Variants in CSMD1 observed in about 807,000 individuals in gnomAD.
CSMD1 encodes CUB and Sushi multiple domains 1, also known as CUB and sushi domain-containing protein 1.
Under a neutral mutation model 417.5 loss-of-function variants are expected in CSMD1, and 213 were observed. That is an observed-to-expected ratio of 0.51 (90% confidence interval 0.46 to 0.57). The LOEUF (loss-of-function observed/expected upper bound fraction) is 0.57, where lower values mean the gene tolerates loss of function less well. Among genes scored for constraint, CSMD1 ranks in the 20% least tolerant of loss-of-function variants. The probability of loss-of-function intolerance (pLI) is 0.00; values close to 1 mark genes in which losing one functional copy is unlikely to be tolerated. For synonymous variants in CSMD1, 2,862 were observed against 1,736.8 expected (o/e 1.65, Z -16.11); for missense variants, 6,923 against 4,529.7 (o/e 1.53, Z -15.17).
At chr8:3,226,660 C>T (rs1585713648) in intron 27 of CSMD1, among the ~76,000 whole-genome samples, 1 of 147,470 alleles carries the variant, frequency 6.8e-6, no homozygotes, top group Admixed American at 6.8e-5. Context: ...AAAAGCTAAA[C>T]AGAGGAGGCT....
chr8:3,454,738 C>T (rs1053234009), intron 12 of CSMD1, among the ~76,000 whole-genome samples: 1 of 152,104 alleles, frequency 6.6e-6, no homozygotes, highest in Non-Finnish European at 1.5e-5. Context: ...CTCTGCCTGC[C>T]CTTTAAATTT....
intron 46 of CSMD1, among the ~76,000 whole-genome samples, chr8:3,103,216 G>C (rs749461138): frequency 1.4e-4 from 22 of 152,166 alleles, no homozygotes; most frequent in Non-Finnish European, 2.4e-4. Context: ...TTTTGAGTTG[G>C]TCTGGCGATA....
chr8:4,174,051 G>A (rs976869084), intron 3 of CSMD1, among the ~76,000 whole-genome samples: 1 of 152,142 alleles, frequency 6.6e-6, no homozygotes, highest in Non-Finnish European at 1.5e-5. Flanking sequence ...ATTGGTTTAG[G>A]CCTGGGCCAC....
At chr8:4,059,080 A>G (rs1335028798) in intron 3 of CSMD1, among the ~76,000 whole-genome samples, 3 of 152,192 alleles carry the variant, frequency 2.0e-5, no homozygotes, top group Admixed American at 6.5e-5. Flanking sequence ...AACAGAAATT[A>G]TAACAAACTG....
intron 18 of CSMD1, among the ~76,000 whole-genome samples, chr8:3,372,127 G>T (rs1484538561): frequency 1.3e-5 from 2 of 152,146 alleles, no homozygotes; most frequent in Non-Finnish European, 2.9e-5. Context: ...AAAAGGGATG[G>T]GATAGTGTGA....
intron 4 of CSMD1, among the ~76,000 whole-genome samples, chr8:4,027,589 C>T (rs556171670): frequency 1.3e-5 from 2 of 152,180 alleles, no homozygotes; most frequent in African/African-American, 2.4e-5. Flanking sequence ...CTGAGGCCTC[C>T]GCAGCCATGC....
At chr8:4,626,767 C>T (rs556844741) in intron 2 of CSMD1, among the ~76,000 whole-genome samples, 1 of 152,160 alleles carries the variant, frequency 6.6e-6, no homozygotes, top group Non-Finnish European at 1.5e-5. Flanking sequence ...GCTTTATTCA[C>T]TTAGATCTGA....
At chr8:3,397,808 T>C (rs1460882195) in intron 16 of CSMD1, among the ~76,000 whole-genome samples, 2 of 152,162 alleles carry the variant, frequency 1.3e-5, no homozygotes, top group African/African-American at 4.8e-5. Flanking sequence ...ATCTGGATGT[T>C]CTTTGCTGTT....
At chr8:3,968,003 TTA>T (rs1491419962) in intron 5 of CSMD1, among the ~76,000 whole-genome samples, 1 of 53,020 alleles carries the variant, frequency 1.9e-5, no homozygotes, top group Non-Finnish European at 3.2e-5. Flanking sequence ...CCGTCACTGC[TTA>T]AAAAAAAAAA....
At chr8:3,952,445 T>C (rs1014232120) in intron 5 of CSMD1, among the ~76,000 whole-genome samples, 3 of 152,228 alleles carry the variant, frequency 2.0e-5, no homozygotes, top group Admixed American at 6.5e-5. Flanking sequence ...TTTTCATAAA[T>C]TAATTGATTC....
chr8:4,668,287 T>A (rs977666681), intron 1 of CSMD1, among the ~76,000 whole-genome samples: 1 of 152,012 alleles, frequency 6.6e-6, no homozygotes, highest in Non-Finnish European at 1.5e-5. Context: ...TTGTAGGCTT[T>A]TCCATTTTGT....
rs1276775136 is a variant in CSMD1, at chr8:3,933,060, A to G, written c.818+64843T>C. On this transcript the variant is annotated intron_variant, in intron 5 of 69. Transcript: ENST00000635120. ...AAAAAAAAACTGCTTGTGGCAAATT[A>G]TCTCATTAAAAAAAAACAAAAGAAA... Among the ~76,000 whole-genome samples the G allele has an allele frequency of 7.9e-5, 6 of 76,314 alleles. No individual in the cohort carries two copies. The South Asian group carries it at 2.0e-3, about 25-fold the overall frequency. 50.1% of individuals were successfully genotyped at this position (76,314 alleles called of 152,430 possible). A position where few individuals can be genotyped will look rare whatever the true frequency, so the allele number is the denominator to read the frequency against.
chr8:4,299,962 G>A (rs796584737), intron 3 of CSMD1, among the ~76,000 whole-genome samples: 2 of 152,100 alleles, frequency 1.3e-5, no homozygotes, highest in African/African-American at 2.4e-5. Context: ...AATACTATTT[G>A]TTGATAATAG....
At chr8:4,860,333 G>A (rs761281931) in intron 1 of CSMD1, among the ~76,000 whole-genome samples, 20 of 151,448 alleles carry the variant, frequency 1.3e-4, no homozygotes, top group Non-Finnish European at 2.4e-4. Flanking sequence ...AGTGGGTGCA[G>A]CGTACCAGCA....
chr8:3,269,803 G>C (rs1290479277), intron 26 of CSMD1, among the ~76,000 whole-genome samples: 2 of 152,196 alleles, frequency 1.3e-5, no homozygotes, highest in African/African-American at 2.4e-5. Flanking sequence ...GCAGTAGTCA[G>C]TTCATGTCCT....
chr8:3,891,915 A>G (rs953110556), intron 5 of CSMD1, among the ~76,000 whole-genome samples: 1 of 152,196 alleles, frequency 6.6e-6, no homozygotes, highest in African/African-American at 2.4e-5. Flanking sequence ...CAAAATTATC[A>G]GAACACCAAA....
intron 1 of CSMD1, among the ~76,000 whole-genome samples, chr8:4,743,306 T>C (rs199676188): frequency 6.6e-6 from 1 of 152,190 alleles, no homozygotes; most frequent in African/African-American, 2.4e-5. Flanking sequence ...CAGGTCAGTA[T>C]ATTTCCATTA....
chr8:4,139,034 A>G (rs1211735524), intron 3 of CSMD1, among the ~76,000 whole-genome samples: 3 of 152,166 alleles, frequency 2.0e-5, no homozygotes, highest in East Asian at 1.9e-4. Flanking sequence ...TGCATGTTTC[A>G]GCACCTGAGA....
intron 8 of CSMD1, among the ~76,000 whole-genome samples, chr8:3,602,396 G>T (rs1801406896): frequency 6.6e-6 from 1 of 152,252 alleles, no homozygotes; most frequent in Non-Finnish European, 1.5e-5. Context: ...CTGAGATTCT[G>T]AAGAGATTTT....
Sources: allele counts gnomAD v4.1 joint callset (sites outside exome capture counted in the v4.1 genomes callset), GRCh38; gene constraint gnomAD v4.1.1; transcripts MANE v1.5; gene names NCBI Gene and HGNC (gene_info 2026-07-23, HGNC 2026-07-21).